ZNF93: variants seen among roughly 807,000 people sequenced by gnomAD.
ZNF93 encodes the protein zinc finger protein 505.
A neutral mutation model predicts 45.0 loss-of-function variants in ZNF93; 29 were observed. The observed-to-expected ratio is 0.64, with a 90% CI of 0.48 to 0.88. The LOEUF (loss-of-function observed/expected upper bound fraction) is 0.88. ZNF93 is among the 40% of genes least tolerant of loss of function. The pLI is 0.00. For missense variants in ZNF93, 578 were observed against 724.0 expected (o/e 0.80, Z 2.31); for synonymous variants, 223 against 244.6 (o/e 0.91, Z 0.82).
intron 1 of ZNF93, among the ~76,000 whole-genome samples, chr19:19,912,477 G>A (rs192329755): frequency 3.5e-5 from 5 of 141,386 alleles, no homozygotes; most frequent in Non-Finnish European, 6.2e-5. Context: ...CAGATAAATC[G>A]GGAAAAAAAG....
chr19:19,933,890 C>T lies in ZNF93; in HGVS notation c.935C>T (p.Pro312Leu). 1 of 1,612,778 alleles carries T rather than the reference C, an allele frequency of 6.2e-7. No individual in the cohort carries two copies. Reference protein sequence around the residue: ...KHKKIHTGEKPYVCEECGKAF... With the variant: ...KHKKIHTGEKLYVCEECGKAF... ...AAGAAAATTCATACTGGAGAGAAGC[C>T]CTACGTTTGTGAAGAATGTGGCAAA... The change falls in exon 4 of 4, where the codon CCC (proline) becomes CTC (leucine). Residue 312 changes from proline to leucine, a missense_variant. Pro to Leu is a moderately conservative substitution (Grantham distance 98). Transcript: ENST00000343769.
At chr19:19,919,224 T>G (rs536286945) in intron 3 of ZNF93, among the ~76,000 whole-genome samples, 2 of 152,286 alleles carry the variant, frequency 1.3e-5, no homozygotes, top group East Asian at 1.9e-4. Context: ...TTTCCCCATT[T>G]CTTGTTTTTG....
intron 3 of ZNF93, among the ~76,000 whole-genome samples, chr19:19,926,378 C>G (rs1288179359): frequency 1.3e-5 from 2 of 150,478 alleles, no homozygotes; most frequent in Admixed American, 6.7e-5. Context: ...TGCACCCAGC[C>G]TGACAATTAT....
chr19:19,930,163 A>C (rs1027047128), intron 3 of ZNF93, among the ~76,000 whole-genome samples: 4 of 152,018 alleles, frequency 2.6e-5, no homozygotes, highest in Admixed American at 6.6e-5. Context: ...TCACGTGTCC[A>C]CTGGACAGGG....
In ZNF93 at chr19:19,934,172, TTAAG is replaced by T; in HGVS notation, c.1220_1223del (p.Lys407ThrfsTer206). The T allele has an allele frequency of 3.1e-6, 5 of 1,611,956 alleles. No homozygotes were observed. Among genetic ancestry groups the T allele is most frequent in the Non-Finnish European group, 4.2e-6 (5 of 1,179,892 alleles). The stretch of plus-strand genomic sequence containing the variant: ...AAATGTGAAGAATGTGGCAAAGCCT[TTAAG>T]TACTCCTCTACCCTTAGTTCACATA... On this transcript the variant is annotated frameshift_variant, in exon 4 of 4. Coordinates refer to ENST00000343769, the MANE Select transcript of ZNF93 (RefSeq NM_031218.4). LOFTEE classifies it high-confidence loss of function.
intron 1 of ZNF93, among the ~76,000 whole-genome samples, chr19:19,911,679 A>G (rs1451025410): frequency 6.6e-6 from 1 of 152,170 alleles, no homozygotes; most frequent in African/African-American, 2.4e-5. Context: ...GCTTTAGACC[A>G]CTTTCTTTAT....
chr19:19,916,748 C>G, intron 3 of ZNF93, 93 bp downstream of exon 3: 1 of 925,972 alleles, frequency 1.1e-6, no homozygotes, highest in Non-Finnish European at 1.6e-6. Context: ...ATTCGGGAAG[C>G]TGTGTTCCAA....
At chr19:19,919,269 G>A (rs1377377712) in intron 3 of ZNF93, among the ~76,000 whole-genome samples, 2 of 152,142 alleles carry the variant, frequency 1.3e-5, no homozygotes, top group Non-Finnish European at 2.9e-5. Flanking sequence ...TTGTAGATGT[G>A]TGGCATTATT....
chr19:19,924,154 T>C (rs2063349767), intron 3 of ZNF93, among the ~76,000 whole-genome samples: 2 of 151,890 alleles, frequency 1.3e-5, no homozygotes, highest in Admixed American at 6.6e-5. Flanking sequence ...ATGGCATGAT[T>C]TCGGCTCACT....
At chr19:19,917,619 G>A (rs1011810636) in intron 3 of ZNF93, among the ~76,000 whole-genome samples, 4 of 151,464 alleles carry the variant, frequency 2.6e-5, no homozygotes, top group African/African-American at 7.3e-5. Context: ...TGACAGTTTC[G>A]CTCTTGTTGC....
At chr19:19,932,275 CTTA>C (rs933796360) in intron 3 of ZNF93, 7 of 154,742 alleles carry the variant, frequency 4.5e-5, no homozygotes, top group African/African-American at 1.7e-4. Flanking sequence ...TCAGTTTGGT[CTTA>C]TTATATTGAC....
At chr19:19,915,045 A>G (rs2063319333) in intron 1 of ZNF93, among the ~76,000 whole-genome samples, 1 of 152,238 alleles carries the variant, frequency 6.6e-6, no homozygotes, top group African/African-American at 2.4e-5. Flanking sequence ...TTAATTTTAT[A>G]CTTTATTATC....
chr19:19,902,341 C>T (rs1485740724), intron 1 of ZNF93, among the ~76,000 whole-genome samples: 2 of 152,002 alleles, frequency 1.3e-5, no homozygotes, highest in Non-Finnish European at 2.9e-5. Context: ...TCACTGAAAT[C>T]TCCACCTCCT....
intron 1 of ZNF93, among the ~76,000 whole-genome samples, chr19:19,907,988 A>G (rs565806481): frequency 8.5e-4 from 130 of 152,362 alleles, no homozygotes; most frequent in African/African-American, 2.8e-3. Context: ...TACTACTGGT[A>G]CATTAAAATA....
intron 1 of ZNF93, among the ~76,000 whole-genome samples, chr19:19,902,947 G>A (rs1369327199): frequency 6.6e-6 from 1 of 151,652 alleles, no homozygotes; most frequent in African/African-American, 2.4e-5. Context: ...CACCGTGTGA[G>A]CCAGGATGGT....
chr19:19,917,538 T>C (rs898360854), intron 3 of ZNF93, among the ~76,000 whole-genome samples: 1 of 152,204 alleles, frequency 6.6e-6, no homozygotes, highest in African/African-American at 2.4e-5. Context: ...GTTAATTTTC[T>C]GTTTTGGTAA....
intron 3 of ZNF93, chr19:19,926,147 T>C (rs1402548119): frequency 6.6e-6 from 1 of 151,162 alleles, no homozygotes; most frequent in Non-Finnish European, 1.5e-5. Context: ...TGGTGCGGTC[T>C]TGGCTCACTG....
intron 1 of ZNF93, among the ~76,000 whole-genome samples, chr19:19,906,298 T>C (rs776978946): frequency 3.9e-5 from 6 of 152,200 alleles, no homozygotes; most frequent in Non-Finnish European, 8.8e-5. Context: ...ATGAACTTTT[T>C]TTTCATATGC....
chr19:19,924,512 C>T (rs2063350839), intron 3 of ZNF93, among the ~76,000 whole-genome samples: 1 of 152,120 alleles, frequency 6.6e-6, no homozygotes, highest in Non-Finnish European at 1.5e-5. Flanking sequence ...ATGGAGCAAA[C>T]ACCTCTTCAA....
Sources: gnomAD v4.1 joint callset for allele counts (sites outside exome capture counted in the v4.1 genomes callset) on GRCh38, gnomAD v4.1.1 for gene constraint, MANE v1.5 for transcripts, NCBI Gene and HGNC (gene_info 2026-07-23, HGNC 2026-07-21) for gene names.